Variants in RNF111 observed in about 807,000 individuals in gnomAD.
RNF111 encodes E3 ubiquitin-protein ligase Arkadia.
In RNF111, 17 loss-of-function variants were observed where a neutral mutation model predicts 95.1. The observed-to-expected ratio is 0.18, with a 90% CI of 0.12 to 0.27. RNF111 has a LOEUF of 0.27. Ranked by LOEUF, RNF111 falls within the 10% of genes least tolerant of loss-of-function variation. The pLI, the probability that RNF111 is intolerant of heterozygous loss-of-function variation, is 1.00. For missense variants in RNF111, 1,189 were observed against 1,210.4 expected, an observed-to-expected ratio of 0.98 and a Z score of 0.26; for synonymous variants, 440 against 414.8, an observed-to-expected ratio of 1.06 and a Z score of -0.74.
chr15:59,050,711 G>C (rs763912382), intron 2 of RNF111, among the ~76,000 whole-genome samples: 7 of 152,140 alleles, frequency 4.6e-5, no homozygotes, highest in Non-Finnish European at 1.0e-4. Flanking sequence ...TCAGTGCCAT[G>C]GACTTAAATC....
At chr15:59,064,897 T>A (rs1407251596) in intron 5 of RNF111, among the ~76,000 whole-genome samples, 3 of 152,092 alleles carry the variant, frequency 2.0e-5, no homozygotes, top group Non-Finnish European at 2.9e-5. Flanking sequence ...ATTTGCTGAA[T>A]CTTACCAAGC....
At chr15:59,041,958 C>CAT (rs1429732531) in intron 2 of RNF111, among the ~76,000 whole-genome samples, 1 of 117,100 alleles carries the variant, frequency 8.5e-6, no homozygotes, top group African/African-American at 3.6e-5. Flanking sequence ...TCAGTCTGTT[C>CAT]ATATTTTTTT....
At chr15:59,012,866 G>C (rs1238357029) in intron 1 of RNF111, among the ~76,000 whole-genome samples, 1 of 151,882 alleles carries the variant, frequency 6.6e-6, no homozygotes, top group Non-Finnish European at 1.5e-5. Flanking sequence ...AGCCTCCCAA[G>C]TATCTGTGAT....
chr15:58,998,848 A>G (rs1043655268), intron 1 of RNF111, among the ~76,000 whole-genome samples: 1 of 152,218 alleles, frequency 6.6e-6, no homozygotes, highest in East Asian at 1.9e-4. Context: ...ACATAATGAA[A>G]TGTGTCATGT....
intron 8 of RNF111, 99 bp downstream of exon 8, chr15:59,081,383 A>G (rs2078738670): frequency 1.0e-6 from 1 of 997,644 alleles, no homozygotes; most frequent in African/African-American, 1.6e-5. Flanking sequence ...GGTGGCATGC[A>G]CTTGTAGTCA....
chr15:59,012,181 G>C (rs1445588542), intron 1 of RNF111, among the ~76,000 whole-genome samples: 1 of 151,618 alleles, frequency 6.6e-6, no homozygotes, highest in Non-Finnish European at 1.5e-5. Flanking sequence ...TCCACACCCG[G>C]CTGATTTTTG....
chr15:59,087,584 G>GA (rs1488526571), intron 10 of RNF111, among the ~76,000 whole-genome samples: 2 of 152,026 alleles, frequency 1.3e-5, no homozygotes, highest in African/African-American at 4.8e-5. Context: ...CAATAAAGTA[G>GA]AAAAAAATGT....
At chr15:59,058,146 AT>A (rs1297263948) in intron 4 of RNF111, among the ~76,000 whole-genome samples, 1 of 152,144 alleles carries the variant, frequency 6.6e-6, no homozygotes, top group Non-Finnish European at 1.5e-5. Flanking sequence ...TCGGTGTTGG[AT>A]TTTTTTAAAA....
chr15:59,012,512 T>G (rs184901174), intron 1 of RNF111, among the ~76,000 whole-genome samples: 46 of 152,350 alleles, frequency 3.0e-4, no homozygotes, highest in African/African-American at 1.0e-3. Context: ...TATTGACTAT[T>G]AATGCATGAT....
chr15:59,049,447 A>G (rs8030246), intron 2 of RNF111: 62,456 of 200,704 alleles, frequency 0.31, 9,816 homozygotes, highest in Admixed American at 0.46. Flanking sequence ...GCTCCTGTCC[A>G]TTGGTTCTCA....
intron 8 of RNF111, among the ~76,000 whole-genome samples, chr15:59,083,619 G>A (rs2078813379): frequency 1.3e-5 from 2 of 151,356 alleles, no homozygotes; most frequent in Non-Finnish European, 2.9e-5. Context: ...GAAAAAAAAT[G>A]CACAGGGTTA....
intron 2 of RNF111, among the ~76,000 whole-genome samples, chr15:59,043,119 A>G (rs1402897057): frequency 3.3e-5 from 5 of 151,774 alleles, no homozygotes; most frequent in African/African-American, 9.7e-5. Context: ...CATTTTAACT[A>G]TTATAAAATT....
intron 1 of RNF111, chr15:59,003,944 AC>A (rs1305765971): frequency 6.2e-6 from 1 of 162,266 alleles, no homozygotes. Flanking sequence ...TTAATAAGCT[AC>A]TGTAAAATTA....
chr15:59,080,647 CT>C (rs1566939089), intron 7 of RNF111, among the ~76,000 whole-genome samples: 1 of 151,882 alleles, frequency 6.6e-6, no homozygotes, highest in Non-Finnish European at 1.5e-5. Flanking sequence ...ATTTGGGTTT[CT>C]TTTTTATCAG....
At chr15:59,026,454 G>A (rs1448441140) in intron 1 of RNF111, among the ~76,000 whole-genome samples, 1 of 152,150 alleles carries the variant, frequency 6.6e-6, no homozygotes. Context: ...TTTCAGTATT[G>A]AAACAGTGTG....
intron 2 of RNF111, among the ~76,000 whole-genome samples, chr15:59,036,135 G>A (rs2141821797): frequency 6.6e-6 from 1 of 152,202 alleles, no homozygotes; most frequent in South Asian, 2.1e-4. Flanking sequence ...GAGTGCAGTG[G>A]TGTGATCTTG....
At chr15:59,052,106 G>A (rs1566912799) in intron 2 of RNF111, among the ~76,000 whole-genome samples, 199 bp from the exon 3 acceptor site, 2 of 152,158 alleles carry the variant, frequency 1.3e-5, no homozygotes, top group Non-Finnish European at 2.9e-5. Flanking sequence ...ATGCAAAGAA[G>A]TGTAGATTAA....
At chr15:58,988,802 T>C (rs1175236335) in intron 1 of RNF111, among the ~76,000 whole-genome samples, 1 of 152,186 alleles carries the variant, frequency 6.6e-6, no homozygotes, top group Admixed American at 6.6e-5. Flanking sequence ...GGTGACTCCA[T>C]TGTGTTGTTG....
intron 6 of RNF111, among the ~76,000 whole-genome samples, chr15:59,069,570 T>G (rs1311718698): frequency 2.0e-5 from 3 of 152,220 alleles, no homozygotes; most frequent in African/African-American, 7.2e-5. Context: ...ATAACTCGTT[T>G]ACCCACCTGT....
Sources: allele counts gnomAD v4.1 joint callset (sites outside exome capture counted in the v4.1 genomes callset), GRCh38; gene constraint gnomAD v4.1.1; transcripts MANE v1.5; gene names NCBI Gene and HGNC (gene_info 2026-07-23, HGNC 2026-07-21).